The following ARHGAP44 variants were observed in gnomAD, a reference collection of about 807,000 sequenced individuals.
The protein encoded by ARHGAP44 is Rho GTPase activating protein 44.
A neutral mutation model predicts 106.8 loss-of-function variants in ARHGAP44; 43 were observed. The observed-to-expected ratio is 0.40, with a 90% CI of 0.32 to 0.52. The LOEUF (loss-of-function observed/expected upper bound fraction) is 0.52, where lower values mean the gene tolerates loss of function less well. Ranked by LOEUF, ARHGAP44 falls within the 20% of genes least tolerant of loss-of-function variation. The pLI is 0.48. For missense variants in ARHGAP44, 866 were observed against 1,050.5 expected (o/e 0.82, Z 2.43); for synonymous variants, 439 against 410.3 (o/e 1.07, Z -0.85).
At chr17:12,947,121 A>G (rs1235318936) in intron 10 of ARHGAP44, among the ~76,000 whole-genome samples, 4 of 152,086 alleles carry the variant, frequency 2.6e-5, no homozygotes. Flanking sequence ...TATGCTATCC[A>G]ATTTCTTAAA....
In ARHGAP44 at chr17:12,807,744, C is replaced by G. The variant is rs566095405; in HGVS notation, c.53+17853C>G. ...ACAGCCAAGCCATATTATTCCACCC[C>G]TGACCCCTCCCAAATCTCATGTCCT... On this transcript the variant is annotated intron_variant, in intron 1 of 20. Transcript: ENST00000379672. Among the ~76,000 whole-genome samples the G allele has an allele frequency of 2.0e-5, 3 of 152,292 alleles. No individual in the cohort carries two copies. In the East Asian group the frequency reaches 5.8e-4, roughly 30 times the overall value.
intron 1 of ARHGAP44, among the ~76,000 whole-genome samples, chr17:12,884,523 CAA>C (rs954022794): frequency 1.3e-5 from 2 of 152,212 alleles, no homozygotes; most frequent in African/African-American, 4.8e-5. Flanking sequence ...GTTCCATCTT[CAA>C]AGTTTCTTTT....
intron 1 of ARHGAP44, among the ~76,000 whole-genome samples, chr17:12,891,749 C>T (rs1265842638): frequency 6.6e-6 from 1 of 151,434 alleles, no homozygotes; most frequent in Non-Finnish European, 1.5e-5. Context: ...TAAGTGATAG[C>T]TTCCTCCATC....
chr17:12,829,564 C>T (rs2150810240), intron 1 of ARHGAP44, among the ~76,000 whole-genome samples: 1 of 152,268 alleles, frequency 6.6e-6, no homozygotes, highest in East Asian at 1.9e-4. Flanking sequence ...AACCCAGCCT[C>T]TCTTGGAAGT....
intron 7 of ARHGAP44, among the ~76,000 whole-genome samples, chr17:12,938,927 A>C (rs76197381): frequency 0.045 from 6,858 of 152,276 alleles, 251 homozygotes; most frequent in Admixed American, 0.09. Flanking sequence ...CTGTTAGAGA[A>C]GCACAGATGC....
intron 15 of ARHGAP44, among the ~76,000 whole-genome samples, chr17:12,957,173 G>A (rs902876886): frequency 4.6e-5 from 7 of 152,200 alleles, no homozygotes; most frequent in African/African-American, 1.7e-4. Context: ...GCTCAGGCTG[G>A]TCTTGAACTC....
chr17:12,979,963 G>C, intron 18 of ARHGAP44, 95 bp from the exon 19 acceptor site: 1 of 1,319,290 alleles, frequency 7.6e-7, no homozygotes, highest in Non-Finnish European at 1.0e-6. Context: ...CTTGCACGGG[G>C]CCCAGAAGGA....
At chr17:12,973,826 A>G in intron 17 of ARHGAP44, 1 of 569,602 alleles carries the variant, frequency 1.8e-6, no homozygotes, top group Non-Finnish European at 3.1e-6. Flanking sequence ...TGTGGCCGCC[A>G]GCGCTGCCGA....
chr17:12,875,362 G>A (rs943065140), intron 1 of ARHGAP44, among the ~76,000 whole-genome samples: 1 of 152,322 alleles, frequency 6.6e-6, no homozygotes. Flanking sequence ...GGGAGGCCAA[G>A]GCAGGAGGAT....
chr17:12,820,969 A>T (rs996084707), intron 1 of ARHGAP44, among the ~76,000 whole-genome samples: 1 of 152,198 alleles, frequency 6.6e-6, no homozygotes, highest in African/African-American at 2.4e-5. Flanking sequence ...GAAAGAAGTT[A>T]TAAAGGTTTT....
At chr17:12,851,473 T>A (rs978068219) in intron 1 of ARHGAP44, among the ~76,000 whole-genome samples, 2 of 152,170 alleles carry the variant, frequency 1.3e-5, no homozygotes, top group African/African-American at 4.8e-5. Context: ...TCTCTTCTTT[T>A]TTTTTTCTCT....
intron 1 of ARHGAP44, among the ~76,000 whole-genome samples, chr17:12,791,484 G>A (rs1334196522): frequency 6.6e-6 from 1 of 152,206 alleles, no homozygotes; most frequent in African/African-American, 2.4e-5. Flanking sequence ...CCTGACACTA[G>A]ACTTGGGTTG....
rs202149558 is a variant in ARHGAP44, at chr17:12,990,181, G to A, written c.*10G>A. On this transcript the variant is annotated 3_prime_UTR_variant, in exon 21 of 21. Coordinates refer to ENST00000379672, the MANE Select transcript of ARHGAP44 (RefSeq NM_014859.6). Reference sequence around the variant, plus strand: ...GAGCACCGCCCTCTGACATGACACCGCCCATCCTGCCTCGCGTGTACATAC... The same window carrying A: ...GAGCACCGCCCTCTGACATGACACCACCCATCCTGCCTCGCGTGTACATAC... 1.3e-4 allele frequency: 209 copies of A among 1,609,450 alleles called. No individual in the cohort carries two copies. Among genetic ancestry groups the A allele is most frequent in the Non-Finnish European group, 1.6e-4 (191 of 1,176,410 alleles).
At chr17:12,950,109 A>G (rs1465643035) in intron 12 of ARHGAP44, among the ~76,000 whole-genome samples, 1 of 152,216 alleles carries the variant, frequency 6.6e-6, no homozygotes, top group Admixed American at 6.5e-5. Context: ...TATAAAAACG[A>G]AAACAAACAC....
intron 1 of ARHGAP44, among the ~76,000 whole-genome samples, chr17:12,877,849 T>C (rs2036603886): frequency 6.6e-6 from 1 of 152,252 alleles, no homozygotes; most frequent in Non-Finnish European, 1.5e-5. Context: ...TGCTGCTTTG[T>C]TCAGTGACTT....
At chr17:12,792,717 A>G (rs182155395) in intron 1 of ARHGAP44, among the ~76,000 whole-genome samples, 2 of 152,264 alleles carry the variant, frequency 1.3e-5, no homozygotes, top group East Asian at 1.9e-4. Context: ...GTCCTTCCTC[A>G]TGGCTCGCCT....
intron 1 of ARHGAP44, among the ~76,000 whole-genome samples, chr17:12,857,216 G>A (rs1244807052): frequency 1.3e-5 from 2 of 152,142 alleles, no homozygotes; most frequent in Non-Finnish European, 2.9e-5. Flanking sequence ...AGGCCGAAGT[G>A]GCTGATGAGG....
At chr17:12,886,816 G>A (rs2036893397) in intron 1 of ARHGAP44, among the ~76,000 whole-genome samples, 1 of 151,810 alleles carries the variant, frequency 6.6e-6, no homozygotes, top group African/African-American at 2.4e-5. Flanking sequence ...AAACTTCCAG[G>A]ACCATGATGA....
chr17:12,857,540 A>G (rs72813149), intron 1 of ARHGAP44, among the ~76,000 whole-genome samples: 10,354 of 152,184 alleles, frequency 0.068, 427 homozygotes, highest in South Asian at 0.19. Flanking sequence ...TTATCTCCCA[A>G]AGGCCCCACC....
Sources: allele counts gnomAD v4.1 joint callset (sites outside exome capture counted in the v4.1 genomes callset), GRCh38; gene constraint gnomAD v4.1.1; transcripts MANE v1.5; gene names NCBI Gene and HGNC (gene_info 2026-07-23, HGNC 2026-07-21).